The following XPA variants were observed in gnomAD, a reference collection of about 807,000 sequenced individuals.
The protein encoded by XPA is XPA, DNA damage recognition and repair factor, also known as DNA repair protein complementing XP-A cells.
XPA carries 27 observed loss-of-function variants against 35.7 expected under a neutral mutation model. The observed-to-expected ratio is 0.76, with a 90% CI of 0.56 to 1.04. The LOEUF (loss-of-function observed/expected upper bound fraction) is 1.04, where lower values mean the gene tolerates loss of function less well. XPA is among the 50% of genes least tolerant of loss of function. XPA has a pLI of 0.00. For synonymous variants in XPA, 133 were observed against 118.4 expected (o/e 1.12, Z -0.80); for missense variants, 354 against 342.7 (o/e 1.03, Z -0.26).
chr9:97,690,656 G>C lies in XPA; in HGVS notation c.284-1017C>G, dbSNP rs1010526514. ...CCACCTCAGCCTCCCAAAGTGCTGGGATTACAGGCATGAGCCACTGTACCC... is the reference window on the plus strand; with the variant it reads ...CCACCTCAGCCTCCCAAAGTGCTGGCATTACAGGCATGAGCCACTGTACCC... On this transcript the variant is annotated intron_variant, in intron 2 of 5. Transcript: ENST00000375128. Among the ~76,000 whole-genome samples the C allele has an allele frequency of 1.2e-4, 19 of 152,218 alleles. 1 individual carries two copies. The highest frequency in any genetic ancestry group is 1.3e-4 in the Admixed American group (2 of 15,288).
Position 97,697,258 on chromosome 9 carries a change from G to A in XPA, c.35C>T (p.Ala12Val). Residue 12 changes from alanine (A) to valine (V), a missense_variant, in exon 1 of 6, where the codon GCG becomes GTG. Ala to Val is a moderately conservative substitution (Grantham distance 64). Transcript: ENST00000375128. ...CAGCTCCGCGGGTTGCTCTAAAGCC[G>A]CCGCCTCCGGCAAAGCCCCGTCGGC... ...AAADGALPEA[A>V]ALEQPAELPA... is the part of the protein sequence containing the mutation. 3 of 1,599,392 alleles carry A rather than the reference G, an allele frequency of 1.9e-6. No individual in the cohort carries two copies. The highest frequency in any genetic ancestry group is 1.7e-6 in the Non-Finnish European group (2 of 1,179,210).
chr9:97,686,298 AC>A (rs1467416529), intron 4 of XPA, among the ~76,000 whole-genome samples: 1 of 152,172 alleles, frequency 6.6e-6, no homozygotes, highest in Non-Finnish European at 1.5e-5. Context: ...ACTCAAAGAA[AC>A]TGGCCTGGGC....
At chr9:97,669,067 T>G in the XPA span, 1 of 1,355,924 alleles carries the variant, frequency 7.4e-7, no homozygotes. Flanking sequence ...GTAAAAGGAA[T>G]ACACATTCAT....
downstream of XPA, chr9:97,674,896 A>C (rs1305979662): frequency 4.0e-6 from 2 of 493,896 alleles, no homozygotes; most frequent in East Asian, 8.9e-5. Flanking sequence ...CCCCAAGAGT[A>C]CAGAAAACAT....
chr9:97,658,750 A>G, the XPA span: 1 of 1,554,694 alleles, frequency 6.4e-7, no homozygotes, highest in South Asian at 1.1e-5. Context: ...AGCAGTAAGT[A>G]ATGAAACTAA....
intron 1 of XPA, among the ~76,000 whole-genome samples, chr9:97,696,440 T>C (rs1051945102): frequency 6.6e-6 from 1 of 152,210 alleles, no homozygotes; most frequent in Admixed American, 6.5e-5. Flanking sequence ...CAACTAGTTT[T>C]TGCCAAGAAA....
the XPA span, chr9:97,668,825 T>G: frequency 6.2e-6 from 10 of 1,606,390 alleles, no homozygotes; most frequent in East Asian, 8.9e-5. Flanking sequence ...TATTTTCCTT[T>G]TGTTCATTTG....
chr9:97,662,921 T>C, the XPA span: 1 of 1,456,194 alleles, frequency 6.9e-7, no homozygotes, highest in Admixed American at 1.8e-5. Context: ...TGAATAAGTA[T>C]ATATGGTATT....
rs567668937 is a variant in XPA at position 97,686,490 on chromosome 9, A to T, written c.555+606T>A. Reference sequence around the variant, plus strand: ...AAATTCTTGAAATTTTTCTTTTTTTAAAATATTTCTTTTTTGGTGGGAGAT... The same window carrying T: ...AAATTCTTGAAATTTTTCTTTTTTTTAAATATTTCTTTTTTGGTGGGAGAT... On this transcript the variant is annotated intron_variant, in intron 4 of 5. Coordinates refer to ENST00000375128, the MANE Select transcript of XPA (RefSeq NM_000380.4). Among the ~76,000 whole-genome samples the T allele has an allele frequency of 1.6e-4, 24 of 152,280 alleles. 1 individual carries two copies. In the South Asian group the frequency reaches 3.9e-3, roughly 25 times the overall value.
At chr9:97,691,443 T>TATAA (rs1362394995) in intron 2 of XPA, among the ~76,000 whole-genome samples, 1 of 151,900 alleles carries the variant, frequency 6.6e-6, no homozygotes, top group African/African-American at 2.4e-5. Flanking sequence ...GGCTCACACC[T>TATAA]ATAATCCCAG....
the XPA span, chr9:97,660,965 T>C: frequency 1.9e-3 from 3,016 of 1,611,994 alleles, 53 homozygotes; most frequent in African/African-American, 0.036. Context: ...CTGGACATTC[T>C]GTTGCCCTCT....
chr9:97,664,358 G>A, the XPA span: 2 of 1,610,778 alleles, frequency 1.2e-6, no homozygotes, highest in Non-Finnish European at 1.7e-6. Flanking sequence ...TGTACTAGTG[G>A]ATAAGATGAT....
the XPA span, among the ~76,000 whole-genome samples, chr9:97,669,215 T>C: frequency 1.2e-4 from 19 of 152,266 alleles, no homozygotes; most frequent in African/African-American, 4.6e-4. Context: ...TGAAAAAAAA[T>C]TGTGGGTTGC....
chr9:97,658,710 A>G, the XPA span: 4 of 1,611,984 alleles, frequency 2.5e-6, no homozygotes, highest in African/African-American at 1.3e-5. Context: ...TGCAAACCCA[A>G]CCTGCATTTA....
intron 2 of XPA, among the ~76,000 whole-genome samples, chr9:97,690,481 G>C (rs545744060): frequency 6.6e-6 from 1 of 152,326 alleles, no homozygotes; most frequent in Non-Finnish European, 1.5e-5. Context: ...TTCACCTCCT[G>C]GGTTCAAGCG....
At chr9:97,681,930 C>T (rs971106129) in intron 5 of XPA, among the ~76,000 whole-genome samples, 1 of 152,026 alleles carries the variant, frequency 6.6e-6, no homozygotes, top group Non-Finnish European at 1.5e-5. Context: ...TCTATCGGTC[C>T]TTTGAATATT....
chr9:97,657,880 G>A, the XPA span, among the ~76,000 whole-genome samples: 13,279 of 135,990 alleles, frequency 0.098, 2,174 homozygotes, highest in African/African-American at 0.35. Context: ...GAGGAGCCCC[G>A]GTAAGCTCTC....
the XPA span, among the ~76,000 whole-genome samples, chr9:97,654,662 T>C: frequency 3.9e-5 from 6 of 152,094 alleles, no homozygotes; most frequent in African/African-American, 1.4e-4. Context: ...GTGATGAAAA[T>C]ATTATCTTGA....
At chr9:97,660,861 A>C in the XPA span, 1 of 1,461,848 alleles carries the variant, frequency 6.8e-7, no homozygotes, top group African/African-American at 1.4e-5. Flanking sequence ...AATTTAAAAA[A>C]AATTTTTCTC....
Sources: allele counts gnomAD v4.1 joint callset (sites outside exome capture counted in the v4.1 genomes callset), GRCh38; gene constraint gnomAD v4.1.1; transcripts MANE v1.5; gene names NCBI Gene and HGNC (gene_info 2026-07-23, HGNC 2026-07-21).